Variants in DENND4A observed in about 807,000 individuals in gnomAD.
DENND4A encodes the protein DENN domain containing 4A.
DENND4A carries 70 observed loss-of-function variants against 199.3 expected under a neutral mutation model. That is an observed-to-expected ratio of 0.35 (90% confidence interval 0.29 to 0.43). DENND4A has a LOEUF of 0.43. Among genes scored for constraint, DENND4A ranks in the 20% least tolerant of loss-of-function variants. DENND4A has a pLI of 1.00. For synonymous variants in DENND4A, 686 were observed against 766.9 expected, an observed-to-expected ratio of 0.89 and a Z score of 1.74; for missense variants, 1,723 against 2,255.8, an observed-to-expected ratio of 0.76 and a Z score of 4.78.
At position 65,756,227 on chromosome 15, in the gene DENND4A, G is replaced by T; in HGVS notation, c.224C>A (p.Ala75Asp). 6.2e-7 allele frequency: 1 copy of T among 1,612,192 alleles called. No individual in the cohort carries two copies. Residue 75 changes from alanine to aspartate, a missense_variant, in exon 3 of 33, where the codon GCT (alanine) becomes GAT (aspartate). Physicochemically the swap from Ala to Asp is moderately radical, Grantham distance 126 (BLOSUM62 -2). Around this residue, in one of 6 missense-constraint regions of DENND4A, gnomAD observed 725 missense variants for 952.9 expected, o/e 0.76. Transcript: ENST00000443035. ...CIDVTPTGLS[A>D]DLNNGSLVGP... Reference sequence around the variant, plus strand: ...CACAAGACTTCCATTATTAAGATCAGCTGACAATCCAGTTGGGGTAACATC... The same window carrying T: ...CACAAGACTTCCATTATTAAGATCATCTGACAATCCAGTTGGGGTAACATC...
At chr15:65,740,494 C>A (rs1317078094) in intron 5 of DENND4A, among the ~76,000 whole-genome samples, 1 of 149,992 alleles carries the variant, frequency 6.7e-6, no homozygotes, top group Non-Finnish European at 1.5e-5. Context: ...CACATGCCAC[C>A]ATGTACTCTC....
At chr15:65,752,073 T>C (rs566220142) in intron 4 of DENND4A, among the ~76,000 whole-genome samples, 134 of 115,520 alleles carry the variant, frequency 1.2e-3, no homozygotes, top group African/African-American at 4.5e-3. Context: ...CTAGTCCCGT[T>C]GAGGTGTGGG....
At chr15:65,673,888 TCTAA>T (rs1411967141) in intron 24 of DENND4A, among the ~76,000 whole-genome samples, 1 of 152,178 alleles carries the variant, frequency 6.6e-6, no homozygotes. Context: ...ACCTTTTGTA[TCTAA>T]CTAATCTACA....
At chr15:65,718,760 C>CTTTT (rs1038227560) in intron 12 of DENND4A, among the ~76,000 whole-genome samples, 9 of 67,766 alleles carry the variant, frequency 1.3e-4, no homozygotes, top group African/African-American at 3.5e-4. Context: ...GTTTTTTTTC[C>CTTTT]TTTTTTTTTT....
rs537372824 is a variant in DENND4A, at chr15:65,744,778, CTTGT to C, written c.562-2998_562-2995del. On this transcript the variant is annotated intron_variant, in intron 4 of 32. Transcript: ENST00000443035. ...GAATGTACAGAAGCCTTTTTGTTGG[CTTGT>C]TTCTCATGTAATCCTTTCAAGAATT... Among the ~76,000 whole-genome samples the C allele has an allele frequency of 1.1e-4, 17 of 152,186 alleles. No homozygotes were observed. The East Asian group carries it at 2.5e-3, about 22-fold the overall frequency.
chr15:65,775,739 A>G (rs571375859), intron 1 of DENND4A, among the ~76,000 whole-genome samples: 1 of 152,208 alleles, frequency 6.6e-6, no homozygotes, highest in South Asian at 2.1e-4. Context: ...AAATTATATA[A>G]CAAAAAGTGA....
intron 4 of DENND4A, among the ~76,000 whole-genome samples, chr15:65,744,716 G>A (rs1469747680): frequency 6.6e-6 from 1 of 152,172 alleles, no homozygotes; most frequent in African/African-American, 2.4e-5. Flanking sequence ...GACTCATAAA[G>A]TATAAGCTTT....
rs138470359 is a variant in DENND4A at position 65,743,128 on chromosome 15, C to T, written c.562-1344G>A. Among the ~76,000 whole-genome samples the T allele has an allele frequency of 1.1e-4, 16 of 152,196 alleles. No individual in the cohort carries two copies. The East Asian group carries it at 2.7e-3, about 26-fold the overall frequency. ...TCTTCCTCCTTCCACCTTTGCTTCC[C>T]GCCACAGTCTATCACTACATAAACG... On this transcript the variant is annotated intron_variant, in intron 4 of 32. Transcript: ENST00000443035.
intron 1 of DENND4A, among the ~76,000 whole-genome samples, chr15:65,791,546 G>C (rs924598422): frequency 1.3e-5 from 2 of 151,940 alleles, no homozygotes; most frequent in African/African-American, 4.8e-5. Flanking sequence ...GGCCGGGGAA[G>C]GCTGAACAGA....
chr15:65,776,034 G>T (rs978917878), intron 1 of DENND4A, among the ~76,000 whole-genome samples: 2 of 152,102 alleles, frequency 1.3e-5, no homozygotes, highest in Admixed American at 6.5e-5. Flanking sequence ...TTCTCCATGA[G>T]ACCGTCATTC....
chr15:65,771,614 T>C lies in DENND4A; in HGVS notation c.-101-10176A>G, dbSNP rs1038189096. 9.3e-6 allele frequency: 15 copies of C among 1,612,456 alleles called. No homozygotes were observed. In the African/African-American group the frequency reaches 1.9e-4, roughly 20 times the overall value. On this transcript the variant is annotated intron_variant, in intron 1 of 32. Coordinates refer to ENST00000443035, the MANE Select transcript of DENND4A (RefSeq NM_001320835.1). ...TTCCTCTTCTCTTTCATGTCCACTA[T>C]GTCAATGCTGATGTTGTTGGCTATA...
chr15:65,707,772 G>A (rs903308005), intron 14 of DENND4A, among the ~76,000 whole-genome samples: 2 of 150,654 alleles, frequency 1.3e-5, no homozygotes, highest in African/African-American at 4.9e-5. Flanking sequence ...CAGCACCACC[G>A]CCTCCCAGGT....
At chr15:65,666,723 G>T (rs1250059509) in intron 29 of DENND4A, among the ~76,000 whole-genome samples, 3 of 149,446 alleles carry the variant, frequency 2.0e-5, no homozygotes, top group Admixed American at 1.3e-4. Context: ...AGGTCACAGT[G>T]AGCCATGACC....
In DENND4A at chr15:65,731,647, T is replaced by C; in HGVS notation, c.1161A>G (p.Pro387=). Residue 387 remains proline, a synonymous_variant, in exon 9 of 33, where the codon CCA becomes CCG. Transcript: ENST00000443035. ...ILSQPVSSPL[P]LSGGKFSTLL... is the part of the protein sequence containing the mutation. ...AGAAATGAGGTTTTACTTGCCTTAG[T>C]GGAAGAGGTGAAGACACAGGCTGAC... The C allele has an allele frequency of 6.4e-7, 1 of 1,554,308 alleles. No homozygotes were observed. Among genetic ancestry groups the C allele is most frequent in the Non-Finnish European group, 8.7e-7 (1 of 1,146,454 alleles).
chr15:65,697,874 A>G (rs2077201966), intron 20 of DENND4A, among the ~76,000 whole-genome samples: 1 of 152,328 alleles, frequency 6.6e-6, no homozygotes, highest in Non-Finnish European at 1.5e-5. Flanking sequence ...TTTTAAAAAA[A>G]TTTAGCTGAA....
At chr15:65,719,368 A>T (rs2075531656) in intron 12 of DENND4A, 1 of 150,988 alleles carries the variant, frequency 6.6e-6, no homozygotes, top group Non-Finnish European at 1.5e-5. Context: ...AGAACACACA[A>T]GGATTAAAAT....
In DENND4A at chr15:65,746,369, CTTTTTTTTTTTTTTTTTTTTTTT is replaced by C. The variant is rs573935476; in HGVS notation, c.562-4608_562-4586del. ...CTTGTTAACAATTCTACTTTTTTCT[CTTTTTTTTTTTTTTTTTTTTTTT>C]TTTTTTTTTTTTGAGACGGAGTCTC... On this transcript the variant is annotated intron_variant, in intron 4 of 32. Coordinates refer to ENST00000443035, the MANE Select transcript of DENND4A (RefSeq NM_001320835.1). Among the ~76,000 whole-genome samples the C allele has an allele frequency of 8.2e-3, 421 of 51,380 alleles. 3 individuals are homozygous for C. Among genetic ancestry groups the C allele is most frequent in the African/African-American group, 0.028 (402 of 14,474 alleles). 33.7% of individuals were successfully genotyped at this position (51,380 alleles called of 152,430 possible). A position where few individuals can be genotyped will look rare whatever the true frequency, so the allele number is the denominator to read the frequency against.
Position 65,752,540 on chromosome 15 carries a change from T to G in DENND4A, c.400A>C (p.Ser134Arg), listed in dbSNP as rs1422588974. The G allele has an allele frequency of 6.2e-7, 1 of 1,613,342 alleles. No individual in the cohort carries two copies. Among genetic ancestry groups the G allele is most frequent in the Non-Finnish European group, 8.5e-7 (1 of 1,179,688 alleles). ...ATATAAATTCTTTGTGATGAGGTAC[T>G]CCCACTAATATTTGCGGGGCGCCCA... Reference protein sequence around the residue: ...PYGRPANISGSTSSQRIYITY... With the variant: ...PYGRPANISGRTSSQRIYITY... Residue 134 changes from serine to arginine, a missense_variant, in exon 4 of 33, where the codon AGT becomes CGT. By Grantham distance (110) the Ser-to-Arg change is moderately radical. Transcript: ENST00000443035.
At position 65,676,484 on chromosome 15, in the gene DENND4A, G is replaced by A. The variant is rs1401975358; in HGVS notation, c.4330C>T (p.Leu1444Phe). 2 of 1,612,170 alleles carry A rather than the reference G, an allele frequency of 1.2e-6. No individual in the cohort carries two copies. Among genetic ancestry groups the A allele is most frequent in the South Asian group, 1.1e-5 (1 of 90,592 alleles). The change falls in exon 24 of 33, where the codon CTC (leucine) becomes TTC (phenylalanine). Residue 1444 changes from leucine (L) to phenylalanine (F), a missense_variant. Physicochemically the swap from Leu to Phe is conservative, Grantham distance 22 (BLOSUM62 0). Around this residue, in one of 6 missense-constraint regions of DENND4A, gnomAD observed 650 missense variants for 738.1 expected, o/e 0.88. Transcript: ENST00000443035. ...SATSGTKRID[L>F]SRISLESSAS... ...GAACTTTCCAGGCTTATTCGGCTGA[G>A]ATCAATTCTCTTAGTCCCTGAAGTA...
Sources: gnomAD v4.1 joint callset for allele counts (sites outside exome capture counted in the v4.1 genomes callset) on GRCh38, gnomAD v4.1.1 for gene constraint, gnomAD v4.1.1 regional missense constraint, MANE v1.5 for transcripts, NCBI Gene and HGNC (gene_info 2026-07-23, HGNC 2026-07-21) for gene names.